The following ZNF713 variants were observed in gnomAD, a reference collection of about 807,000 sequenced individuals.
The protein encoded by ZNF713 is zinc finger protein 713.
ZNF713 carries 21 observed loss-of-function variants against 28.7 expected under a neutral mutation model. The ratio of observed to expected loss-of-function variants is 0.73; its 90% CI spans 0.52 to 1.05. The LOEUF is 1.05. ZNF713 is among the 50% of genes least tolerant of loss of function. The probability of loss-of-function intolerance (pLI) is 0.00; values close to 1 mark genes in which losing one functional copy is unlikely to be tolerated. For missense variants in ZNF713, 458 were observed against 532.4 expected, an observed-to-expected ratio of 0.86 and a Z score of 1.37; for synonymous variants, 167 against 178.0, an observed-to-expected ratio of 0.94 and a Z score of 0.49.
intron 2 of ZNF713, among the ~76,000 whole-genome samples, chr7:55,909,920 T>C (rs1785752335): frequency 7.1e-6 from 1 of 141,624 alleles, no homozygotes; most frequent in Non-Finnish European, 1.5e-5. Flanking sequence ...TTTTTTCTTA[T>C]TTTTGAATAT....
At chr7:55,892,566 A>AAC (rs1554335052) in intron 1 of ZNF713, among the ~76,000 whole-genome samples, 3 of 149,882 alleles carry the variant, frequency 2.0e-5, no homozygotes, top group Non-Finnish European at 3.0e-5. Context: ...AAAAAAAAAA[A>AAC]AAAAAAAAAA....
chr7:55,906,205 A>C (rs189414233), intron 1 of ZNF713, 48 bp from the exon 2 acceptor site: 7 of 152,242 alleles, frequency 4.6e-5, no homozygotes, highest in East Asian at 3.9e-4. Context: ...GCTTGGCCCA[A>C]ATAAGCTCTC....
At position 55,887,682 on chromosome 7, in the gene ZNF713, T is replaced by G. The variant is rs1785274228; in HGVS notation, c.-583+2T>G. 1 of 130,544 alleles carries G rather than the reference T, an allele frequency of 7.7e-6. No homozygotes were observed. The highest frequency in any genetic ancestry group is 1.6e-5 in the Non-Finnish European group (1 of 61,694). 8.1% of individuals were successfully genotyped at this position (130,544 alleles called of 1,614,324 possible). On this transcript the variant is annotated splice_donor_variant, in intron 1 of 6. Coordinates refer to ENST00000429591, the MANE Select transcript of ZNF713 (RefSeq NM_182633.3). LOFTEE classifies it low-confidence loss of function (5UTR_SPLICE). ...CCGAAGCGCCCTTTGTCTGCGGAGG[T>G]GAGTGCGCGCCGGGAGGAGGCGGAG...
At chr7:55,898,956 TAAC>T (rs1313700218) in intron 1 of ZNF713, among the ~76,000 whole-genome samples, 3 of 152,150 alleles carry the variant, frequency 2.0e-5, no homozygotes, top group Non-Finnish European at 2.9e-5. Context: ...AGACAAAAGA[TAAC>T]AAGTATTGGT....
intron 1 of ZNF713, among the ~76,000 whole-genome samples, chr7:55,900,679 A>G (rs747642334): frequency 2.8e-4 from 43 of 152,314 alleles, no homozygotes; most frequent in Non-Finnish European, 5.7e-4. Flanking sequence ...GGTTGTTACT[A>G]GAATCTGGGG....
chr7:55,901,996 G>A (rs1053796179), intron 1 of ZNF713, among the ~76,000 whole-genome samples: 3 of 152,094 alleles, frequency 2.0e-5, no homozygotes, highest in African/African-American at 7.2e-5. Context: ...GTTCGAGACC[G>A]GCCAGTCAAC....
intron 1 of ZNF713, among the ~76,000 whole-genome samples, chr7:55,905,683 G>A (rs1216247612): frequency 6.6e-6 from 1 of 151,974 alleles, no homozygotes; most frequent in East Asian, 1.9e-4. Flanking sequence ...GTTCCAGACT[G>A]ACCCATTATC....
At chr7:55,914,555 G>A (rs1244595439) in intron 4 of ZNF713, among the ~76,000 whole-genome samples, 3 of 152,200 alleles carry the variant, frequency 2.0e-5, no homozygotes, top group African/African-American at 7.2e-5. Flanking sequence ...AATGTTGGAT[G>A]CTGCTGTGAA....
chr7:55,915,549 CAG>C (rs1162238808), intron 4 of ZNF713, among the ~76,000 whole-genome samples: 5 of 152,210 alleles, frequency 3.3e-5, no homozygotes, highest in South Asian at 4.2e-4. Flanking sequence ...ATTAGGGAAT[CAG>C]GGAGAAACTG....
At chr7:55,928,969 CAAAA>C (rs35152322) in intron 6 of ZNF713, among the ~76,000 whole-genome samples, 3 of 119,332 alleles carry the variant, frequency 2.5e-5, no homozygotes, top group African/African-American at 3.1e-5. Flanking sequence ...CCATTTCTAC[CAAAA>C]AAAAAAAAAA....
At position 55,939,892 on chromosome 7, in the gene ZNF713, C is replaced by T. The variant is rs1189812012; in HGVS notation, c.1218C>T (p.Ala406=). 16 of 1,613,864 alleles carry T rather than the reference C, an allele frequency of 9.9e-6. No individual in the cohort carries two copies. The East Asian group carries it at 2.9e-4, about 29-fold the overall frequency. Residue 406 remains alanine (A), a synonymous_variant, in exon 7 of 7, where the codon GCC becomes GCT. Coordinates refer to ENST00000429591, the MANE Select transcript of ZNF713 (RefSeq NM_182633.3). ...ATAAATGTAATGAATGCGGGAAAGC[C>T]TTTAGCCAGAGTGCACACCTTAATC... The part of the protein sequence containing the change: ...KPYKCNECGK[A]FSQSAHLNQH...
At chr7:55,934,907 G>T (rs545974540) in intron 6 of ZNF713, among the ~76,000 whole-genome samples, 9 of 122,138 alleles carry the variant, frequency 7.4e-5, no homozygotes, top group Admixed American at 4.7e-4. Context: ...TTTTTTTCCT[G>T]AGACGGAGTC....
At chr7:55,921,592 G>A (rs987665110) in intron 4 of ZNF713, among the ~76,000 whole-genome samples, 1 of 152,196 alleles carries the variant, frequency 6.6e-6, no homozygotes, top group Admixed American at 6.5e-5. Flanking sequence ...GGAACAAACT[G>A]CAGGCATGGT....
chr7:55,893,602 A>G (rs1162789093), intron 1 of ZNF713, among the ~76,000 whole-genome samples: 1 of 151,920 alleles, frequency 6.6e-6, no homozygotes, highest in East Asian at 1.9e-4. Flanking sequence ...TTGTTTTGAG[A>G]CTGAGTTTTG....
intron 6 of ZNF713, among the ~76,000 whole-genome samples, chr7:55,933,916 G>A (rs1786293079): frequency 6.6e-6 from 1 of 152,010 alleles, no homozygotes; most frequent in African/African-American, 2.4e-5. Context: ...ATGTTGCCCA[G>A]GCTGGTCTTG....
Position 55,938,987 on chromosome 7 carries a change from G to A in ZNF713, c.313G>A (p.Glu105Lys), listed in dbSNP as rs1392779507. Residue 105 changes from glutamate (E) to lysine (K), a missense_variant, in exon 7 of 7, where the codon GAA becomes AAA. Transcript: ENST00000429591. ...DSLLDTHPDG[E>K]NRPEIKKSTT... ...ATGTTCTGAATTTCTTTTAGATGGA[G>A]AAAACAGACCCGAAATCAAAAAGTC... 2 of 1,573,358 alleles carry A rather than the reference G, an allele frequency of 1.3e-6. No individual in the cohort carries two copies. Among genetic ancestry groups the A allele is most frequent in the Admixed American group, 2.0e-5 (1 of 51,090 alleles).
intron 2 of ZNF713, among the ~76,000 whole-genome samples, chr7:55,911,176 C>T (rs1214159462): frequency 1.3e-5 from 2 of 152,166 alleles, no homozygotes; most frequent in East Asian, 3.9e-4. Flanking sequence ...CTCAGAATGG[C>T]TTCTTTCTTT....
At chr7:55,894,925 G>A (rs1562734904) in intron 1 of ZNF713, among the ~76,000 whole-genome samples, 1 of 152,132 alleles carries the variant, frequency 6.6e-6, no homozygotes, top group Non-Finnish European at 1.5e-5. Context: ...GCATGTGTAT[G>A]CCTGTGTGTG....
intron 4 of ZNF713, among the ~76,000 whole-genome samples, chr7:55,914,268 T>C (rs1785839777): frequency 6.6e-6 from 1 of 152,206 alleles, no homozygotes; most frequent in Non-Finnish European, 1.5e-5. Context: ...CCGGTCTCAA[T>C]TGCTTCAGAT....
Sources: gnomAD v4.1 joint callset for allele counts (sites outside exome capture counted in the v4.1 genomes callset) on GRCh38, gnomAD v4.1.1 for gene constraint, MANE v1.5 for transcripts, NCBI Gene and HGNC (gene_info 2026-07-23, HGNC 2026-07-21) for gene names.